Variants in DTNB observed in about 807,000 individuals in gnomAD.
The protein encoded by DTNB is DTN-B.
A neutral mutation model predicts 90.7 loss-of-function variants in DTNB; 63 were observed. The observed-to-expected ratio is 0.69, with a 90% confidence interval of 0.57 to 0.86. The LOEUF is 0.86. Among genes scored for constraint, DTNB ranks in the 40% least tolerant of loss-of-function variants. The pLI is 0.00. For synonymous variants in DTNB, 277 were observed against 286.7 expected, an observed-to-expected ratio of 0.97 and a Z score of 0.34; for missense variants, 744 against 807.1, an observed-to-expected ratio of 0.92 and a Z score of 0.95.
chr2:25,579,016 A>G (rs1407562101), intron 7 of DTNB, among the ~76,000 whole-genome samples: 1 of 152,234 alleles, frequency 6.6e-6, no homozygotes, highest in Non-Finnish European at 1.5e-5. Context: ...TGATAAAAAT[A>G]TTACAAACCA....
At chr2:25,568,204 T>C (rs534620961) in intron 8 of DTNB, among the ~76,000 whole-genome samples, 2 of 149,738 alleles carry the variant, frequency 1.3e-5, no homozygotes, top group East Asian at 1.9e-4. Context: ...AGAGTTTCAG[T>C]TGGGAAAAAT....
At chr2:25,459,470 T>A (rs1003707264) in intron 10 of DTNB, among the ~76,000 whole-genome samples, 12 of 152,140 alleles carry the variant, frequency 7.9e-5, no homozygotes, top group Non-Finnish European at 1.8e-4. Context: ...GAGAAGCTAT[T>A]GAGAGGTGAC....
At chr2:25,455,732 A>T (rs1321482243) in intron 10 of DTNB, among the ~76,000 whole-genome samples, 1 of 152,242 alleles carries the variant, frequency 6.6e-6, no homozygotes, top group Non-Finnish European at 1.5e-5. Context: ...GCCCACTGAC[A>T]TGACAGCCCT....
chr2:25,513,583 C>T (rs1295250647), intron 9 of DTNB, among the ~76,000 whole-genome samples: 1 of 151,958 alleles, frequency 6.6e-6, no homozygotes, highest in South Asian at 2.1e-4. Context: ...ATTAGCTGGG[C>T]ATGGCTGCGG....
At chr2:25,448,580 C>T (rs779038263) in intron 12 of DTNB, among the ~76,000 whole-genome samples, 12 of 152,098 alleles carry the variant, frequency 7.9e-5, no homozygotes, top group Admixed American at 2.6e-4. Context: ...CATTGACGGG[C>T]GCGGTGGCTC....
At chr2:25,432,790 C>G in intron 14 of DTNB, 96 bp downstream of exon 14, 1 of 1,288,398 alleles carries the variant, frequency 7.8e-7, no homozygotes, top group Non-Finnish European at 1.1e-6. Context: ...ATTGTTTATA[C>G]TGAACAACAG....
intron 17 of DTNB, 58 bp downstream of exon 17, chr2:25,388,144 C>T (rs2149538515): frequency 1.3e-6 from 2 of 1,538,502 alleles, no homozygotes. Context: ...CAGCAGGAAT[C>T]TTGTCCGTGT....
intron 8 of DTNB, among the ~76,000 whole-genome samples, chr2:25,542,653 T>G (rs892900124): frequency 3.9e-5 from 6 of 152,216 alleles, no homozygotes; most frequent in African/African-American, 1.2e-4. Flanking sequence ...CAGGCCTGGT[T>G]GTTTCCTTTG....
At chr2:25,629,960 A>G (rs1217574410) in intron 3 of DTNB, among the ~76,000 whole-genome samples, 13 of 152,208 alleles carry the variant, frequency 8.5e-5, no homozygotes, top group Non-Finnish European at 2.9e-5. Flanking sequence ...AACCCAAAGA[A>G]TGGAAAAAAA....
intron 16 of DTNB, among the ~76,000 whole-genome samples, chr2:25,410,780 AAAG>A (rs1350848187): frequency 1.3e-5 from 2 of 152,174 alleles, no homozygotes; most frequent in African/African-American, 4.8e-5. Context: ...TGTGCGATAA[AAAG>A]AACAATGTAT....
intron 8 of DTNB, among the ~76,000 whole-genome samples, chr2:25,559,310 A>G (rs2057879572): frequency 6.6e-6 from 1 of 151,998 alleles, no homozygotes; most frequent in African/African-American, 2.4e-5. Flanking sequence ...GCTTTCACCT[A>G]CGGCTCTAGG....
intron 12 of DTNB, among the ~76,000 whole-genome samples, chr2:25,435,989 T>C (rs2055620103): frequency 6.6e-6 from 1 of 152,230 alleles, no homozygotes; most frequent in Non-Finnish European, 1.5e-5. Context: ...GGAGAAATTA[T>C]GTGATTGTGA....
Position 25,401,632 on chromosome 2 carries a change from T to C in DTNB, c.1576-13271A>G, listed in dbSNP as rs112670519. ...CCCTTCTTTCTTTTTCCTCATGGAATAGGGAAGAATTTTTAATCCTCCTGG... is the reference window on the plus strand; with the variant it reads ...CCCTTCTTTCTTTTTCCTCATGGAACAGGGAAGAATTTTTAATCCTCCTGG... On this transcript the variant is annotated intron_variant, in intron 16 of 20. Transcript: ENST00000406818. 3.9e-4 allele frequency among the ~76,000 whole-genome samples: 60 copies of C among 152,352 alleles called. 1 individual carries two copies. Among genetic ancestry groups the C allele is most frequent in the South Asian group, 1.9e-3 (9 of 4,828 alleles).
intron 8 of DTNB, among the ~76,000 whole-genome samples, chr2:25,563,660 T>C (rs2058576734): frequency 7.1e-6 from 1 of 139,866 alleles, no homozygotes; most frequent in African/African-American, 2.9e-5. Flanking sequence ...ATTCATTCTT[T>C]TGCCTGTGAA....
At position 25,385,249 on chromosome 2, in the gene DTNB, T is replaced by C. The variant is rs538207223; in HGVS notation, c.1826-1360A>G. On this transcript the variant is annotated intron_variant, in intron 18 of 20. Transcript: ENST00000406818. ...TTATAAAGATGAGGACTACAAGCTA[T>C]GTATATACAGTATGTATACACTGTA... Among the ~76,000 whole-genome samples the C allele has an allele frequency of 9.8e-5, 15 of 152,288 alleles. No homozygotes were observed. In the South Asian group the frequency reaches 2.7e-3, roughly 27 times the overall value.
chr2:25,650,465 G>A (rs191687710), intron 2 of DTNB, among the ~76,000 whole-genome samples: 25 of 152,270 alleles, frequency 1.6e-4, no homozygotes, highest in Admixed American at 7.2e-4. Flanking sequence ...GTGCAAAGGC[G>A]GAAAGGCATG....
chr2:25,585,992 C>A (rs73922438), intron 6 of DTNB, among the ~76,000 whole-genome samples: 10,321 of 152,076 alleles, frequency 0.068, 1,133 homozygotes, highest in African/African-American at 0.23. Context: ...TCTGCTTTTT[C>A]TTAGAGATAT....
chr2:25,639,126 G>C (rs1402241926), intron 2 of DTNB, 32 bp from the exon 3 acceptor site: 1 of 1,524,950 alleles, frequency 6.6e-7, no homozygotes, highest in South Asian at 1.2e-5. Flanking sequence ...TGCTCAACTA[G>C]ATTTACCATT....
intron 12 of DTNB, among the ~76,000 whole-genome samples, chr2:25,437,284 C>T (rs1388540694): frequency 6.7e-6 from 1 of 149,194 alleles, no homozygotes; most frequent in African/African-American, 2.5e-5. Context: ...TTTTTTGAGA[C>T]AGAATCTTGC....
Sources: allele counts gnomAD v4.1 joint callset (sites outside exome capture counted in the v4.1 genomes callset), GRCh38; gene constraint gnomAD v4.1.1; transcripts MANE v1.5; gene names NCBI Gene and HGNC (gene_info 2026-07-23, HGNC 2026-07-21).